PEX7: variants seen among roughly 807,000 people sequenced by gnomAD.
PEX7 encodes peroxisomal biogenesis factor 7, also known as PTS2 receptor.
Under a neutral mutation model 47.5 loss-of-function variants are expected in PEX7, and 34 were observed. The ratio of observed to expected loss-of-function variants is 0.72; its 90% confidence interval spans 0.54 to 0.95. The LOEUF is 0.95. Ranked by LOEUF, PEX7 falls within the 40% of genes least tolerant of loss-of-function variation. PEX7 has a pLI of 0.00. For missense variants in PEX7, 394 were observed against 400.3 expected, an observed-to-expected ratio of 0.98 and a Z score of 0.13; for synonymous variants, 141 against 148.8, an observed-to-expected ratio of 0.95 and a Z score of 0.38.
chr6:136,897,614 TAC>T (rs939412146), intron 8 of PEX7, among the ~76,000 whole-genome samples: 2 of 152,214 alleles, frequency 1.3e-5, no homozygotes, highest in African/African-American at 4.8e-5. Flanking sequence ...GTTTCAGAAT[TAC>T]AGAGATTTTC....
At chr6:136,853,938 T>G (rs1036632940) in intron 5 of PEX7, among the ~76,000 whole-genome samples, 12 of 152,202 alleles carry the variant, frequency 7.9e-5, no homozygotes, top group Non-Finnish European at 1.5e-4. Flanking sequence ...TCATAGCTTT[T>G]TTTGTCCATA....
intron 3 of PEX7, among the ~76,000 whole-genome samples, chr6:136,843,884 A>C (rs1774547297): frequency 1.3e-5 from 2 of 152,206 alleles, no homozygotes; most frequent in African/African-American, 4.8e-5. Context: ...TGTGTGAGGC[A>C]CTCACTCTAG....
rs1775741591 is a variant in PEX7, at chr6:136,900,841, C to T, written c.903+2600C>T. ...AGCCTGGGCCAAGTCTCTGCCTCTT[C>T]TCTTGCTTTGTCTCTGGTCTGTATT... On this transcript the variant is annotated intron_variant, in intron 9 of 9. Transcript: ENST00000318471. The surrounding 1 kb of genome is among the most constrained non-coding windows in gnomAD (Gnocchi z 4.2). 6.3e-6 allele frequency: 2 copies of T among 317,870 alleles called. No homozygotes were observed. The highest frequency in any genetic ancestry group is 6.1e-5 in the South Asian group (2 of 32,836). 19.7% of individuals were successfully genotyped at this position (317,870 alleles called of 1,614,324 possible).
At chr6:136,845,077 A>C (rs1774571011) in intron 3 of PEX7, among the ~76,000 whole-genome samples, 1 of 152,246 alleles carries the variant, frequency 6.6e-6, no homozygotes, top group Non-Finnish European at 1.5e-5. Context: ...CAAGTAGTTC[A>C]TTTGAAATGG....
chr6:136,889,697 A>G (rs1775523317), intron 8 of PEX7, among the ~76,000 whole-genome samples: 1 of 152,174 alleles, frequency 6.6e-6, no homozygotes, highest in Non-Finnish European at 1.5e-5. Context: ...CATTTTTCGT[A>G]GTAGGAAGTC....
At chr6:136,866,507 G>A (rs767642694) in intron 5 of PEX7, 120 bp from the exon 6 acceptor site, 33 of 798,076 alleles carry the variant, frequency 4.1e-5, no homozygotes, top group Non-Finnish European at 6.5e-5. Context: ...AAGTCTGAAG[G>A]TGGCAATATC....
At chr6:136,836,608 A>G (rs1211863097) in intron 3 of PEX7, among the ~76,000 whole-genome samples, 1 of 152,216 alleles carries the variant, frequency 6.6e-6, no homozygotes, top group African/African-American at 2.4e-5. Context: ...AAGTGACTTT[A>G]AAAACCCAGT....
intron 5 of PEX7, among the ~76,000 whole-genome samples, chr6:136,849,162 A>T (rs1220781111): frequency 6.6e-6 from 1 of 152,062 alleles, no homozygotes; most frequent in Non-Finnish European, 1.5e-5. Flanking sequence ...GTATTCTCTG[A>T]TGGTAGTTTT....
intron 6 of PEX7, among the ~76,000 whole-genome samples, chr6:136,868,617 A>G (rs1433232235): frequency 6.6e-6 from 1 of 152,062 alleles, no homozygotes; most frequent in African/African-American, 2.4e-5. Context: ...ATTATTTTCT[A>G]ATAACTGAAA....
intron 8 of PEX7, among the ~76,000 whole-genome samples, chr6:136,894,187 G>A (rs987493576): frequency 3.9e-5 from 6 of 152,102 alleles, no homozygotes; most frequent in Admixed American, 2.6e-4. Context: ...GGCCAGGAAC[G>A]GTGTCTCATG....
intron 3 of PEX7, among the ~76,000 whole-genome samples, chr6:136,837,177 G>T (rs192688759): frequency 6.6e-6 from 1 of 151,412 alleles, no homozygotes; most frequent in South Asian, 2.1e-4. Context: ...TGGCTAACAC[G>T]GTGAAACCCT....
At chr6:136,876,599 C>G (rs1005530406) in intron 8 of PEX7, among the ~76,000 whole-genome samples, 1 of 152,288 alleles carries the variant, frequency 6.6e-6, no homozygotes, top group Non-Finnish European at 1.5e-5. Context: ...GTTCGGTTTT[C>G]TGTTCCTGTG....
chr6:136,822,885 C>T (rs557181604), intron 1 of PEX7, 90 bp downstream of exon 1: 4 of 1,223,598 alleles, frequency 3.3e-6, no homozygotes, highest in South Asian at 3.4e-5. Context: ...AGGGAAAGCC[C>T]CTCTGAGCGT....
chr6:136,867,777 A>AAAC (rs71816095), intron 6 of PEX7, among the ~76,000 whole-genome samples: 14 of 150,094 alleles, frequency 9.3e-5, no homozygotes, highest in African/African-American at 3.0e-4. Flanking sequence ...CTCCATCTCA[A>AAAC]AACAACAACA....
rs912726431 is a variant in PEX7 at position 136,913,786 on chromosome 6, C to T, written c.*260C>T. 70 of 404,764 alleles carry T rather than the reference C, an allele frequency of 1.7e-4. No individual in the cohort carries two copies. The highest frequency in any genetic ancestry group is 1.3e-3 in the African/African-American group (63 of 46,766). The allele number at this position is 404,764 out of a possible 1,614,324, so 25.1% of individuals were successfully genotyped here. The stretch of plus-strand genomic sequence containing the variant: ...TCTTGTAGTATCTATTAAAATGTCT[C>T]TGGGTCATAAAATGGATTAAAATAT... On this transcript the variant is annotated 3_prime_UTR_variant, in exon 10 of 10. Transcript: ENST00000318471.
At chr6:136,872,087 G>A (rs916792533) in intron 7 of PEX7, 111 bp from the exon 8 acceptor site, 2 of 945,462 alleles carry the variant, frequency 2.1e-6, no homozygotes. Flanking sequence ...TTAAGTGACA[G>A]CTCTGACTCA....
chr6:136,875,480 T>C (rs1323659346), intron 8 of PEX7, among the ~76,000 whole-genome samples: 1 of 152,238 alleles, frequency 6.6e-6, no homozygotes, highest in Non-Finnish European at 1.5e-5. Flanking sequence ...TTGTTAATAA[T>C]TTCTACTTTT....
At chr6:136,861,877 T>C (rs1774969431) in intron 5 of PEX7, among the ~76,000 whole-genome samples, 1 of 147,020 alleles carries the variant, frequency 6.8e-6, no homozygotes, top group Non-Finnish European at 1.5e-5. Flanking sequence ...TATATAAATA[T>C]ATATAAATTC....
intron 3 of PEX7, among the ~76,000 whole-genome samples, chr6:136,836,791 A>G (rs1448473409): frequency 1.3e-5 from 2 of 152,096 alleles, no homozygotes; most frequent in African/African-American, 4.8e-5. Context: ...CATCTCTACT[A>G]AAAATACAAA....
Sources: allele counts gnomAD v4.1 joint callset (sites outside exome capture counted in the v4.1 genomes callset), GRCh38; gene constraint gnomAD v4.1.1; non-coding constraint Gnocchi (gnomAD v3.1); transcripts MANE v1.5; gene names NCBI Gene and HGNC (gene_info 2026-07-23, HGNC 2026-07-21).